The following SLITRK4 variants were observed in gnomAD, a reference collection of about 807,000 sequenced individuals.
The protein encoded by SLITRK4 is SLIT and NTRK-like protein 4.
SLITRK4 carries 7 observed loss-of-function variants against 34.7 expected under a neutral mutation model. That is an observed-to-expected ratio of 0.20 (90% CI 0.11 to 0.38). SLITRK4 has a LOEUF of 0.38. Among genes scored for constraint, SLITRK4 ranks in the 10% least tolerant of loss-of-function variants. The probability of loss-of-function intolerance (pLI) is 1.00; values close to 1 mark genes in which losing one functional copy is unlikely to be tolerated. For synonymous variants in SLITRK4, 237 were observed against 246.2 expected, an observed-to-expected ratio of 0.96 and a Z score of 0.35; for missense variants, 474 against 607.0, an observed-to-expected ratio of 0.78 and a Z score of 2.30.
chrX:143,633,809 G>T (rs1931130075), intron 1 of SLITRK4, among the ~76,000 whole-genome samples: 1 of 111,727 alleles, frequency 9.0e-6, no homozygotes, highest in Non-Finnish European at 1.9e-5. Flanking sequence ...GGCGGGCGGC[G>T]AGGAGGCTGG....
Position 143,629,969 on chromosome X carries a change from C to T in SLITRK4, c.1140G>A (p.Lys380=). Residue 380 remains lysine (K), a synonymous_variant, in exon 2 of 2, where the codon AAG becomes AAA. Transcript: ENST00000356928. ...SELIPKPLNA[K]KLHVNGNSIK... ...TGCTATTGCCATTGACGTGCAGCTT[C>T]TTCGCATTTAAAGGTTTCGGTATCA... 1 of 1,211,864 alleles carries T rather than the reference C, an allele frequency of 8.3e-7. No individual in the cohort carries two copies. Among genetic ancestry groups the T allele is most frequent in the Non-Finnish European group, 1.1e-6 (1 of 895,612 alleles).
chrX:143,631,594 C>G (rs1325507733), intron 1 of SLITRK4, among the ~76,000 whole-genome samples: 1 of 109,069 alleles, frequency 9.2e-6, no homozygotes, highest in East Asian at 2.9e-4. Flanking sequence ...TAAGCTTCAG[C>G]TAGATAGAGA....
rs1556425327 is a variant in SLITRK4 at position 143,625,664 on chromosome X, A to G, written c.*2931T>C. On this transcript the variant is annotated 3_prime_UTR_variant, in exon 2 of 2. Transcript: ENST00000356928. ...TAAACTAACATCAAGGTTATAGTTG[A>G]AGCCAACAAAATGTAGATACAGTAT... 2.7e-5 allele frequency: 3 copies of G among 111,586 alleles called. No individual in the cohort carries two copies. In the East Asian group the frequency reaches 8.4e-4, roughly 31 times the overall value. The allele number at this position is 111,586 out of a possible 1,213,427, so 9.2% of individuals were successfully genotyped here. A position where few individuals can be genotyped will look rare whatever the true frequency, so the allele number is the denominator to read the frequency against.
Position 143,625,619 on chromosome X carries a change from C to A in SLITRK4, c.*2976G>T, listed in dbSNP as rs781885020. ...CCACTAAAAATGCTGTACTGATGTA[C>A]ATATCATACCTCCAGGGGTTAAACT... On this transcript the variant is annotated 3_prime_UTR_variant, in exon 2 of 2. Transcript: ENST00000356928. The A allele has an allele frequency of 5.1e-4, 57 of 111,221 alleles. No individual in the cohort carries two copies. Among genetic ancestry groups the A allele is most frequent in the Non-Finnish European group, 4.2e-4 (22 of 52,780 alleles). 9.2% of individuals were successfully genotyped at this position (111,221 alleles called of 1,213,427 possible).
intron 1 of SLITRK4, among the ~76,000 whole-genome samples, chrX:143,632,479 G>A (rs1393650661): frequency 8.9e-6 from 1 of 111,932 alleles, no homozygotes; most frequent in African/African-American, 3.3e-5. Flanking sequence ...TTGTGAATGG[G>A]AAGCTGGGTG....
At chrX:143,634,196 C>T (rs1287232071) in intron 1 of SLITRK4, 1 of 112,522 alleles carries the variant, frequency 8.9e-6, no homozygotes, top group African/African-American at 3.2e-5. Context: ...TCCCCCTTGC[C>T]TGTTCTCCCT....
At chrX:143,633,893 G>A (rs1931137143) in intron 1 of SLITRK4, among the ~76,000 whole-genome samples, 1 of 112,888 alleles carries the variant, frequency 8.9e-6, no homozygotes, top group Admixed American at 9.2e-5. Flanking sequence ...CCCCCTCCGC[G>A]TCAGGGGCCC....
Position 143,628,839 on chromosome X carries a change from A to G in SLITRK4, c.2270T>C (p.Val757Ala). 3.3e-6 allele frequency: 4 copies of G among 1,211,287 alleles called. No homozygotes were observed. The South Asian group carries it at 7.0e-5, about 21-fold the overall frequency. Residue 757 changes from valine to alanine, a missense_variant, in exon 2 of 2, where the codon GTG (valine) becomes GCG (alanine). By Grantham distance (64) the Val-to-Ala change is moderately conservative. Transcript: ENST00000356928. ...DELFPSRDSN[V>A]FIQNFLESKK... ...GCTTTCAAGAAAATTCTGAATAAAC[A>G]CATTGGAATCCCTGCTAGGGAATAA... is the stretch of plus-strand genomic sequence containing the variant.
chrX:143,632,490 C>A (rs782027121), intron 1 of SLITRK4, among the ~76,000 whole-genome samples: 1 of 112,028 alleles, frequency 8.9e-6, no homozygotes, highest in East Asian at 2.8e-4. Flanking sequence ...AAGCTGGGTG[C>A]AATTTCAATA....
In SLITRK4 at chrX:143,628,467, T is replaced by TA. The variant is rs1215335397; in HGVS notation, c.*127dup. The TA allele has an allele frequency of 1.2e-5, 6 of 494,141 alleles. No individual in the cohort carries two copies. The highest frequency in any genetic ancestry group is 2.0e-5 in the Non-Finnish European group (6 of 304,047). 40.7% of individuals were successfully genotyped at this position (494,141 alleles called of 1,213,427 possible). ...CTTGACACATCTTTGCAGCTACAGTTAATGAGACACCCTTGGAAACACCTG... is the reference window on the plus strand; with the variant it reads ...CTTGACACATCTTTGCAGCTACAGTTAAATGAGACACCCTTGGAAACACCTG... On this transcript the variant is annotated 3_prime_UTR_variant, in exon 2 of 2. Transcript: ENST00000356928.
rs1930705650 is a variant in SLITRK4 at position 143,623,982 on chromosome X, TA to T, written c.*4612del. 8.9e-6 allele frequency: 1 copy of T among 111,998 alleles called. No homozygotes were observed. The highest frequency in any genetic ancestry group is 3.2e-5 in the African/African-American group (1 of 30,879). The allele number at this position is 111,998 out of a possible 1,213,427, so 9.2% of individuals were successfully genotyped here. On this transcript the variant is annotated 3_prime_UTR_variant, in exon 2 of 2. Transcript: ENST00000356928. ...CCTCAGATGCATAAGGCATTTAGTCTAAAAGTACTTGCATATGCTATCTATA... is the reference window on the plus strand; with the variant it reads ...CCTCAGATGCATAAGGCATTTAGTCTAAAGTACTTGCATATGCTATCTATA...
rs1373909782 is a variant in SLITRK4, at chrX:143,627,322, A to G, written c.*1273T>C. ...TGAATTAAGCTCATAGAATCCTGAAAAGCAAGACAACCGATGGCAAATAAC... is the reference window on the plus strand; with the variant it reads ...TGAATTAAGCTCATAGAATCCTGAAGAGCAAGACAACCGATGGCAAATAAC... On this transcript the variant is annotated 3_prime_UTR_variant, in exon 2 of 2. Transcript: ENST00000356928. 9.0e-6 allele frequency: 1 copy of G among 110,564 alleles called. No individual in the cohort carries two copies. Among genetic ancestry groups the G allele is most frequent in the African/African-American group, 3.3e-5 (1 of 30,438 alleles). 9.1% of individuals were successfully genotyped at this position (110,564 alleles called of 1,213,427 possible).
Position 143,629,648 on chromosome X carries a change from G to A in SLITRK4, c.1461C>T (p.Ser487=). 1 of 1,211,568 alleles carries A rather than the reference G, an allele frequency of 8.3e-7. No homozygotes were observed. Among genetic ancestry groups the A allele is most frequent in the Non-Finnish European group, 1.1e-6 (1 of 895,504 alleles). ...LLYLNNNLLK[S]LPVYIFSGAP... is the part of the protein sequence containing the mutation. ...CTCCGGAAAAGATGTAAACAGGCAG[G>A]CTCTTTAGGAGATTATTGTTTAAGT... Residue 487 remains serine (S), a synonymous_variant, in exon 2 of 2, where the codon AGC becomes AGT. Coordinates refer to ENST00000356928, the MANE Select transcript of SLITRK4 (RefSeq NM_001184749.3).
chrX:143,629,972 C>T lies in SLITRK4; in HGVS notation c.1137G>A (p.Ala379=), dbSNP rs188793048. ...MSELIPKPLN[A]KKLHVNGNSI... ...TATTGCCATTGACGTGCAGCTTCTT[C>T]GCATTTAAAGGTTTCGGTATCAGTT... is the stretch of plus-strand genomic sequence containing the variant. Residue 379 remains alanine (A), a synonymous_variant, in exon 2 of 2, where the codon GCG becomes GCA. Coordinates refer to ENST00000356928, the MANE Select transcript of SLITRK4 (RefSeq NM_001184749.3). 355 of 1,210,254 alleles carry T rather than the reference C, an allele frequency of 2.9e-4. 2 individuals carry two copies. The highest frequency in any genetic ancestry group is 2.3e-4 in the Middle Eastern group (1 of 4,351).
In SLITRK4 at chrX:143,629,995, G is replaced by C. The variant is rs1930964505; in HGVS notation, c.1114C>G (p.Leu372Val). 1.7e-6 allele frequency: 2 copies of C among 1,211,866 alleles called. No individual in the cohort carries two copies. Among genetic ancestry groups the C allele is most frequent in the Non-Finnish European group, 2.2e-6 (2 of 895,590 alleles). ...TTCGCATTTAAAGGTTTCGGTATCA[G>C]TTCAGACATAGACTGTATATTTTTC... ...QEKNIQSMSE[L>V]IPKPLNAKKL... Residue 372 changes from leucine to valine, a missense_variant, in exon 2 of 2, where the codon CTG (leucine) becomes GTG (valine). Physicochemically the swap from Leu to Val is conservative, Grantham distance 32. This residue lies in a region of SLITRK4 where 345 missense variants were observed against 406.5 expected (regional missense o/e 0.85). Transcript: ENST00000356928.
In SLITRK4 at chrX:143,625,890, T is replaced by A. The variant is rs1930769461; in HGVS notation, c.*2705A>T. 1.8e-5 allele frequency: 2 copies of A among 111,880 alleles called. No individual in the cohort carries two copies. Among genetic ancestry groups the A allele is most frequent in the African/African-American group, 6.5e-5 (2 of 30,886 alleles). 9.2% of individuals were successfully genotyped at this position (111,880 alleles called of 1,213,427 possible). On this transcript the variant is annotated 3_prime_UTR_variant, in exon 2 of 2. Coordinates refer to ENST00000356928, the MANE Select transcript of SLITRK4 (RefSeq NM_001184749.3). The stretch of plus-strand genomic sequence containing the variant: ...CAATTTGAACCTCCAAATAACCACA[T>A]ATGTTAAATTACTTTTTAAAAAAAG...
rs2124325908 is a variant in SLITRK4, at chrX:143,629,251, A to G, written c.1858T>C (p.Leu620=). 2.5e-6 allele frequency: 3 copies of G among 1,212,038 alleles called. No individual in the cohort carries two copies. Among genetic ancestry groups the G allele is most frequent in the Non-Finnish European group, 3.3e-6 (3 of 895,613 alleles). ...AGGACCACTAAGATACTTAAGATTA[A>G]AATAGACAGAGGCACTGGCCCACCA... ...PPGGPVPLSI[L]ILSILVVLIL... The change falls in exon 2 of 2, where the codon TTA becomes CTA. Residue 620 remains leucine (L), a synonymous_variant. Coordinates refer to ENST00000356928, the MANE Select transcript of SLITRK4 (RefSeq NM_001184749.3).
At chrX:143,635,190 C>A (rs1247290086) in intron 1 of SLITRK4, 1 of 90,583 alleles carries the variant, frequency 1.1e-5, no homozygotes, top group Non-Finnish European at 2.2e-5. Flanking sequence ...TCCTTCCTCC[C>A]GACACTCGAC....
rs782775427 is a variant in SLITRK4, at chrX:143,625,724, C to T, written c.*2871G>A. 1 of 111,309 alleles carries T rather than the reference C, an allele frequency of 9.0e-6. No individual in the cohort carries two copies. 9.2% of individuals were successfully genotyped at this position (111,309 alleles called of 1,213,427 possible). A position where few individuals can be genotyped will look rare whatever the true frequency, so the allele number is the denominator to read the frequency against. ...TCTTGTACTCAACTCAAAACTTATA[C>T]CTAACTACATTATCATAAAATGTAC... On this transcript the variant is annotated 3_prime_UTR_variant, in exon 2 of 2. Transcript: ENST00000356928.
Sources: gnomAD v4.1 joint callset for allele counts (sites outside exome capture counted in the v4.1 genomes callset) on GRCh38, gnomAD v4.1.1 for gene constraint, gnomAD v4.1.1 regional missense constraint, MANE v1.5 for transcripts, NCBI Gene and HGNC (gene_info 2026-07-23, HGNC 2026-07-21) for gene names.